Variants in SPAG9 observed in about 807,000 individuals in gnomAD.
The protein encoded by SPAG9 is C-Jun-amino-terminal kinase-interacting protein 4.
In SPAG9, 35 loss-of-function variants were observed where a neutral mutation model predicts 166.5. The ratio of observed to expected loss-of-function variants is 0.21; its 90% CI spans 0.16 to 0.28. The LOEUF is 0.28. Among genes scored for constraint, SPAG9 ranks in the 10% least tolerant of loss-of-function variants. The pLI is 1.00. For missense variants in SPAG9, 1,235 were observed against 1,603.3 expected, an observed-to-expected ratio of 0.77 and a Z score of 3.92; for synonymous variants, 534 against 565.5, an observed-to-expected ratio of 0.94 and a Z score of 0.79.
intron 4 of SPAG9, among the ~76,000 whole-genome samples, chr17:51,043,549 C>A (rs772513900): frequency 6.6e-6 from 1 of 152,106 alleles, no homozygotes; most frequent in South Asian, 2.1e-4. Context: ...GCTAGATTTC[C>A]TTTTCATATT....
At position 50,987,109 on chromosome 17, in the gene SPAG9, T is replaced by C. The variant is rs1325337276; in HGVS notation, c.2939+3A>G. On this transcript the variant is annotated splice_donor_region_variant and intron_variant, in intron 22 of 29. Coordinates refer to ENST00000262013, the MANE Select transcript of SPAG9 (RefSeq NM_001130528.3). Reference sequence around the variant, plus strand: ...TTCTAATGTTAAAAGCATTGACACCTACCAGCCATTTTGAGCTCCAAGCCA... The same window carrying C: ...TTCTAATGTTAAAAGCATTGACACCCACCAGCCATTTTGAGCTCCAAGCCA... The C allele has an allele frequency of 2.5e-6, 4 of 1,605,468 alleles. No homozygotes were observed. Among genetic ancestry groups the C allele is most frequent in the Non-Finnish European group, 3.4e-6 (4 of 1,177,592 alleles).
At chr17:51,005,990 G>C (rs2144017209) in intron 11 of SPAG9, 95 bp downstream of exon 11, 4 of 1,415,492 alleles carry the variant, frequency 2.8e-6, no homozygotes, top group East Asian at 4.6e-5. Flanking sequence ...CCAGGCTTGA[G>C]TGGACAGAAG....
intron 13 of SPAG9, among the ~76,000 whole-genome samples, chr17:51,001,054 A>G (rs2044926359): frequency 6.6e-6 from 1 of 152,238 alleles, no homozygotes; most frequent in Admixed American, 6.5e-5. Flanking sequence ...CTAAAGAAGT[A>G]AAAGTTGGCA....
chr17:50,989,661 T>C lies in SPAG9; in HGVS notation c.2813+16A>G, dbSNP rs765551794. ...CACTTCACCCAGTTGCCTAAGTTGA[T>C]GACCCATTATTATACCTCGACTGAT... On this transcript the variant is annotated intron_variant, in intron 21 of 29. Transcript: ENST00000262013. 1.2e-6 allele frequency: 2 copies of C among 1,609,322 alleles called. No individual in the cohort carries two copies. Among genetic ancestry groups the C allele is most frequent in the South Asian group, 2.2e-5 (2 of 90,908 alleles).
chr17:51,023,357 G>A (rs1485171771), intron 6 of SPAG9: 7 of 229,270 alleles, frequency 3.1e-5, no homozygotes, highest in Non-Finnish European at 6.1e-5. Context: ...TTCCCTTAAG[G>A]GAGTATCAGC....
At chr17:50,967,772 T>C (rs1381657248) in intron 29 of SPAG9, among the ~76,000 whole-genome samples, 2 of 152,100 alleles carry the variant, frequency 1.3e-5, no homozygotes, top group African/African-American at 4.8e-5. Context: ...TGTTAAAATA[T>C]TACAGGAAAT....
chr17:51,110,164 A>T (rs2049066071), intron 1 of SPAG9, among the ~76,000 whole-genome samples: 1 of 152,202 alleles, frequency 6.6e-6, no homozygotes, highest in Admixed American at 6.5e-5. Flanking sequence ...TATGTCTGCA[A>T]TTTAAAATGG....
At chr17:51,062,484 T>C (rs1021755039) in intron 2 of SPAG9, among the ~76,000 whole-genome samples, 7 of 152,228 alleles carry the variant, frequency 4.6e-5, no homozygotes, top group Non-Finnish European at 5.9e-5. Flanking sequence ...ACTGTCTCCA[T>C]AGTTTTGCCT....
At chr17:51,090,114 T>G (rs993710537) in intron 1 of SPAG9, among the ~76,000 whole-genome samples, 1 of 152,164 alleles carries the variant, frequency 6.6e-6, no homozygotes, top group African/African-American at 2.4e-5. Context: ...GATCATGGCA[T>G]GCCCAGGTAA....
At chr17:51,060,632 TATTAGGAC>T (rs1192398530) in intron 2 of SPAG9, among the ~76,000 whole-genome samples, 1 of 150,224 alleles carries the variant, frequency 6.7e-6, no homozygotes, top group African/African-American at 2.5e-5. Flanking sequence ...CAAAAGGCCA[TATTAGGAC>T]ACAGAGGTAA....
intron 7 of SPAG9, among the ~76,000 whole-genome samples, chr17:51,020,734 T>C (rs2045907909): frequency 6.6e-6 from 1 of 152,174 alleles, no homozygotes; most frequent in South Asian, 2.1e-4. Flanking sequence ...TATCTCAGTA[T>C]CCATGGGGGA....
intron 29 of SPAG9, among the ~76,000 whole-genome samples, chr17:50,968,752 A>C (rs1184372755): frequency 2.6e-5 from 4 of 152,014 alleles, no homozygotes; most frequent in African/African-American, 9.7e-5. Context: ...AAATTATAGC[A>C]AATAAATAAA....
At chr17:51,091,110 G>A (rs553260907) in intron 1 of SPAG9, among the ~76,000 whole-genome samples, 11 of 151,316 alleles carry the variant, frequency 7.3e-5, no homozygotes, top group Middle Eastern at 3.4e-3. Flanking sequence ...CTGTCTCCAC[G>A]AAAAATATGA....
At chr17:51,012,560 A>G (rs1296656265) in intron 9 of SPAG9, among the ~76,000 whole-genome samples, 1 of 151,434 alleles carries the variant, frequency 6.6e-6, no homozygotes, top group Non-Finnish European at 1.5e-5. Flanking sequence ...AAAGAGTGAG[A>G]CTATGTCTCA....
intron 7 of SPAG9, among the ~76,000 whole-genome samples, chr17:51,020,746 TGGTTCCA>T (rs2045908622): frequency 6.6e-6 from 1 of 152,232 alleles, no homozygotes; most frequent in Non-Finnish European, 1.5e-5. Context: ...CATGGGGGAT[TGGTTCCA>T]GAACCCACCA....
At chr17:51,067,623 T>G (rs1323783095) in intron 2 of SPAG9, among the ~76,000 whole-genome samples, 1 of 152,000 alleles carries the variant, frequency 6.6e-6, no homozygotes, top group East Asian at 1.9e-4. Context: ...CGAGATTAAC[T>G]GGAAATAAAC....
intron 29 of SPAG9, 146 bp downstream of exon 29, chr17:50,970,556 AAAAAC>A: frequency 1.7e-6 from 1 of 604,848 alleles, no homozygotes; most frequent in South Asian, 3.9e-5. Context: ...GAAAAAAACA[AAAAAC>A]AAAAACCCAC....
chr17:51,055,353 T>A (rs760730340), intron 3 of SPAG9, among the ~76,000 whole-genome samples: 33 of 148,880 alleles, frequency 2.2e-4, no homozygotes, highest in Non-Finnish European at 4.4e-4. Context: ...ACTCTCTCTC[T>A]CACACACACA....
At chr17:51,049,654 G>A (rs2047127664) in intron 3 of SPAG9, among the ~76,000 whole-genome samples, 1 of 152,180 alleles carries the variant, frequency 6.6e-6, no homozygotes, top group Admixed American at 6.5e-5. Context: ...CGCCCAGGCT[G>A]GAGTACAGTG....
Sources: allele counts gnomAD v4.1 joint callset (sites outside exome capture counted in the v4.1 genomes callset), GRCh38; gene constraint gnomAD v4.1.1; transcripts MANE v1.5; gene names NCBI Gene and HGNC (gene_info 2026-07-23, HGNC 2026-07-21).